The following HTR4 variants were observed in gnomAD, a reference collection of about 807,000 sequenced individuals.
HTR4 encodes 5-hydroxytryptamine receptor 4.
A neutral mutation model predicts 36.8 loss-of-function variants in HTR4; 16 were observed. The ratio of observed to expected loss-of-function variants is 0.43; its 90% CI spans 0.29 to 0.66. HTR4 has a LOEUF of 0.66. Ranked by LOEUF, HTR4 falls within the 30% of genes least tolerant of loss-of-function variation. The pLI, the probability that HTR4 is intolerant of heterozygous loss-of-function variation, is 0.13. For missense variants in HTR4, 438 were observed against 490.9 expected (o/e 0.89, Z 1.02); for synonymous variants, 189 against 185.1 (o/e 1.02, Z -0.17).
chr5:148,523,411 G>T (rs1177233429), intron 4 of HTR4, 65 bp from the exon 5 acceptor site: 2 of 1,332,158 alleles, frequency 1.5e-6, no homozygotes. Context: ...AGAGAAAAGA[G>T]AATATATGAG....
At chr5:148,492,328 T>C (rs908331999) in intron 6 of HTR4, among the ~76,000 whole-genome samples, 2 of 152,334 alleles carry the variant, frequency 1.3e-5, no homozygotes, top group Non-Finnish European at 1.5e-5. Context: ...ATATTCAAAA[T>C]AACAGCCCCA....
At chr5:148,551,201 A>T (rs1377571758) in intron 2 of HTR4, among the ~76,000 whole-genome samples, 3 of 152,188 alleles carry the variant, frequency 2.0e-5, no homozygotes, top group African/African-American at 7.2e-5. Flanking sequence ...ACAGTGTCCC[A>T]TTCCAGCCCA....
At chr5:148,627,308 T>C (rs1304950358) in intron 2 of HTR4, among the ~76,000 whole-genome samples, 1 of 152,124 alleles carries the variant, frequency 6.6e-6, no homozygotes, top group Non-Finnish European at 1.5e-5. Flanking sequence ...TATTTTCTAT[T>C]ACCAACATTT....
rs1757896726 is a variant in HTR4 at position 148,519,213 on chromosome 5, T to G, written c.507+3980A>C. ...GAAACATGTGAAGAATTTAGTATAT[T>G]GTCTATAAATATTTAATAAATGGTA... is the stretch of plus-strand genomic sequence containing the variant. On this transcript the variant is annotated intron_variant, in intron 5 of 6. Coordinates refer to ENST00000377888, the MANE Select transcript of HTR4 (RefSeq NM_000870.7). Among the ~76,000 whole-genome samples the G allele has an allele frequency of 1.3e-5, 2 of 152,202 alleles. 1 individual carries two copies. Among genetic ancestry groups the G allele is most frequent in the South Asian group, 4.1e-4 (2 of 4,830 alleles).
At chr5:148,561,924 A>G (rs1302643451) in intron 2 of HTR4, among the ~76,000 whole-genome samples, 2 of 152,210 alleles carry the variant, frequency 1.3e-5, no homozygotes, top group Admixed American at 6.5e-5. Flanking sequence ...ACTAGGCCCA[A>G]TTGCCAGTGG....
chr5:148,615,358 T>G (rs963693638), intron 2 of HTR4, among the ~76,000 whole-genome samples: 1 of 151,412 alleles, frequency 6.6e-6, no homozygotes, highest in Non-Finnish European at 1.5e-5. Flanking sequence ...CCATAAAAAA[T>G]GATGAGTTCA....
chr5:148,503,197 C>T (rs1422719192), intron 6 of HTR4, among the ~76,000 whole-genome samples: 1 of 152,140 alleles, frequency 6.6e-6, no homozygotes, highest in Non-Finnish European at 1.5e-5. Context: ...TTGTCAGATT[C>T]ACCAAAGTTG....
intron 6 of HTR4, chr5:148,484,502 T>C: frequency 1.2e-6 from 1 of 859,574 alleles, no homozygotes; most frequent in South Asian, 1.8e-5. Context: ...TGGGGCAATA[T>C]TTACTATCTC....
At chr5:148,583,116 C>A (rs1761208561) in intron 2 of HTR4, among the ~76,000 whole-genome samples, 1 of 151,344 alleles carries the variant, frequency 6.6e-6, no homozygotes, top group African/African-American at 2.4e-5. Context: ...CCCATCAATA[C>A]CTAATTTATT....
chr5:148,585,103 A>T (rs962696139), intron 2 of HTR4, among the ~76,000 whole-genome samples: 1 of 152,198 alleles, frequency 6.6e-6, no homozygotes, highest in Non-Finnish European at 1.5e-5. Context: ...ACCTAACTTC[A>T]CTGAATGCCA....
At chr5:148,512,853 C>A (rs746108961) in intron 5 of HTR4, among the ~76,000 whole-genome samples, 2 of 152,058 alleles carry the variant, frequency 1.3e-5, no homozygotes, top group Non-Finnish European at 1.5e-5. Flanking sequence ...ATCGCTTGAA[C>A]CCGGGAGGCA....
intron 2 of HTR4, among the ~76,000 whole-genome samples, chr5:148,601,174 T>TA (rs894984169): frequency 1.2e-4 from 18 of 151,406 alleles, no homozygotes; most frequent in African/African-American, 3.4e-4. Flanking sequence ...TTGCTATTAT[T>TA]AAAAAAAATA....
At chr5:148,559,434 A>T (rs1441878444) in intron 2 of HTR4, among the ~76,000 whole-genome samples, 1 of 152,190 alleles carries the variant, frequency 6.6e-6, no homozygotes, top group Non-Finnish European at 1.5e-5. Context: ...TTGATTTTTC[A>T]AATACTTCTT....
intron 2 of HTR4, among the ~76,000 whole-genome samples, chr5:148,567,093 G>T (rs1334784532): frequency 6.6e-6 from 1 of 152,068 alleles, no homozygotes; most frequent in Non-Finnish European, 1.5e-5. Context: ...TTCATTTTAA[G>T]AAGTTTTTAA....
rs200658163 is a variant in HTR4, at chr5:148,481,793, A to G, written c.*1410T>C. ...CATTTACCTTCCCGGGACTTCTGCT[A>G]TGGGGCATTCGCAAGAGCCACTGAC... is the stretch of plus-strand genomic sequence containing the variant. On this transcript the variant is annotated 3_prime_UTR_variant, in exon 7 of 7. Transcript: ENST00000377888. 4.9e-5 allele frequency: 68 copies of G among 1,375,326 alleles called. No individual in the cohort carries two copies. Among genetic ancestry groups the G allele is most frequent in the Middle Eastern group, 2.7e-4 (1 of 3,736 alleles). 85.2% of individuals were successfully genotyped at this position (1,375,326 alleles called of 1,614,324 possible).
chr5:148,455,051 A>C (rs924634004), intron 5 of HTR4, among the ~76,000 whole-genome samples: 2 of 152,212 alleles, frequency 1.3e-5, no homozygotes, highest in East Asian at 3.9e-4. Context: ...AGCTCAATTT[A>C]TTAAGACATT....
chr5:148,488,218 G>A (rs967346159), intron 6 of HTR4, among the ~76,000 whole-genome samples: 2 of 152,150 alleles, frequency 1.3e-5, no homozygotes, highest in African/African-American at 4.8e-5. Context: ...CCCAAACATA[G>A]GATGTGTTCT....
At chr5:148,554,180 ATTC>A (rs1306598082) in intron 2 of HTR4, among the ~76,000 whole-genome samples, 2 of 152,140 alleles carry the variant, frequency 1.3e-5, no homozygotes, top group Non-Finnish European at 2.9e-5. Flanking sequence ...GGTTCAAGTT[ATTC>A]TTCTGCCTCG....
intron 2 of HTR4, among the ~76,000 whole-genome samples, chr5:148,601,501 T>C (rs974933134): frequency 3.9e-5 from 6 of 152,150 alleles, no homozygotes; most frequent in Non-Finnish European, 7.4e-5. Flanking sequence ...TGGAATAACA[T>C]TTAGCCTTTA....
Sources: gnomAD v4.1 joint callset for allele counts (sites outside exome capture counted in the v4.1 genomes callset) on GRCh38, gnomAD v4.1.1 for gene constraint, MANE v1.5 for transcripts, NCBI Gene and HGNC (gene_info 2026-07-23, HGNC 2026-07-21) for gene names.